The following TXNL1 variants were observed in gnomAD, a reference collection of about 807,000 sequenced individuals.
TXNL1 encodes thioredoxin-like protein 1.
Under a neutral mutation model 35.5 loss-of-function variants are expected in TXNL1, and 14 were observed. The observed-to-expected ratio is 0.39, with a 90% CI of 0.26 to 0.62. The LOEUF is 0.62. Among genes scored for constraint, TXNL1 ranks in the 20% least tolerant of loss-of-function variants. TXNL1 has a pLI of 0.47. For synonymous variants in TXNL1, 110 were observed against 115.5 expected, an observed-to-expected ratio of 0.95 and a Z score of 0.31; for missense variants, 263 against 349.7, an observed-to-expected ratio of 0.75 and a Z score of 1.98.
At chr18:56,628,436 C>T (rs909281831) in intron 1 of TXNL1, among the ~76,000 whole-genome samples, 3 of 152,060 alleles carry the variant, frequency 2.0e-5, no homozygotes, top group Non-Finnish European at 4.4e-5. Context: ...CAATTAAATT[C>T]TTATCAACAA....
rs1395651396 is a variant in TXNL1 at position 56,597,754 on chromosome 18, A to C, written c.*5273T>G. 2 of 152,336 alleles carry C rather than the reference A, an allele frequency of 1.3e-5. No homozygotes were observed. Among genetic ancestry groups the C allele is most frequent in the Non-Finnish European group, 2.9e-5 (2 of 68,040 alleles). 9.4% of individuals were successfully genotyped at this position (152,336 alleles called of 1,614,324 possible). On this transcript the variant is annotated 3_prime_UTR_variant, in exon 8 of 8. Transcript: ENST00000217515. Reference sequence around the variant, plus strand: ...TCCTAGTTCCTTGCTTCTAGCTCTAAGCTCTAAAATCACATTCCTGGCTTT... The same window carrying C: ...TCCTAGTTCCTTGCTTCTAGCTCTACGCTCTAAAATCACATTCCTGGCTTT...
At chr18:56,636,990 A>C (rs1036065280) in intron 1 of TXNL1, among the ~76,000 whole-genome samples, 2 of 152,178 alleles carry the variant, frequency 1.3e-5, no homozygotes, top group African/African-American at 4.8e-5. Context: ...GAATTCTAAC[A>C]TTCCTTTTAG....
At chr18:56,626,109 G>A in intron 2 of TXNL1, 1 of 984,430 alleles carries the variant, frequency 1.0e-6, no homozygotes, top group Non-Finnish European at 1.3e-6. Context: ...ACTGCTAGGT[G>A]ACCTATTAAC....
Position 56,601,602 on chromosome 18 carries a change from G to C in TXNL1, c.*1425C>G, listed in dbSNP as rs564648264. 6.6e-6 allele frequency: 1 copy of C among 152,236 alleles called. No individual in the cohort carries two copies. Among genetic ancestry groups the C allele is most frequent in the Non-Finnish European group, 1.5e-5 (1 of 68,008 alleles). The allele number at this position is 152,236 out of a possible 1,614,324, so 9.4% of individuals were successfully genotyped here. On this transcript the variant is annotated 3_prime_UTR_variant, in exon 8 of 8. Transcript: ENST00000217515. ...ATACAAATGAACTAAACTATCTAAT[G>C]ACACTTGGGTTTCAGAAAGGGACTC...
chr18:56,631,767 A>G (rs557959547), intron 1 of TXNL1, among the ~76,000 whole-genome samples: 1 of 152,228 alleles, frequency 6.6e-6, no homozygotes, highest in Non-Finnish European at 1.5e-5. Flanking sequence ...CTAAAAATAC[A>G]AAATTAGCTG....
At chr18:56,638,285 G>C (rs1001586234) in intron 1 of TXNL1, 58 bp downstream of exon 1, 8 of 1,521,332 alleles carry the variant, frequency 5.3e-6, no homozygotes, top group Non-Finnish European at 7.1e-6. Context: ...CCAACAAAGA[G>C]TGAAAGGAAA....
chr18:56,628,584 T>C (rs1364848572), intron 1 of TXNL1, among the ~76,000 whole-genome samples: 2 of 152,198 alleles, frequency 1.3e-5, no homozygotes, highest in Non-Finnish European at 2.9e-5. Flanking sequence ...TAGCATATAC[T>C]ATATGACTAC....
intron 6 of TXNL1, among the ~76,000 whole-genome samples, chr18:56,612,051 G>C (rs956072062): frequency 2.6e-4 from 36 of 138,182 alleles, no homozygotes; most frequent in Non-Finnish European, 4.8e-4. Flanking sequence ...AAATTTAGTA[G>C]AGACAGGGTT....
chr18:56,604,591 T>A (rs2023859033), intron 7 of TXNL1: 1 of 152,226 alleles, frequency 6.6e-6, no homozygotes, highest in Non-Finnish European at 1.5e-5. Flanking sequence ...AAAATTTAGG[T>A]ACATAAAAAT....
intron 7 of TXNL1, among the ~76,000 whole-genome samples, chr18:56,606,659 C>G (rs1320570056): frequency 2.0e-5 from 3 of 152,210 alleles, no homozygotes; most frequent in Non-Finnish European, 4.4e-5. Flanking sequence ...AAGGAAAAGT[C>G]ACCTAGCTGG....
chr18:56,606,413 G>C (rs975985902), intron 7 of TXNL1, among the ~76,000 whole-genome samples: 16 of 152,236 alleles, frequency 1.1e-4, no homozygotes, highest in African/African-American at 3.9e-4. Flanking sequence ...TAATTACTAT[G>C]TATATACTAA....
intron 2 of TXNL1, among the ~76,000 whole-genome samples, chr18:56,625,898 C>T (rs547592039): frequency 8.0e-4 from 122 of 152,270 alleles, no homozygotes; most frequent in African/African-American, 2.8e-3. Flanking sequence ...CAGGGCAATT[C>T]ACCTACAACA....
intron 7 of TXNL1, chr18:56,609,467 T>TTAG (rs1185684696): frequency 1.3e-5 from 2 of 152,092 alleles, no homozygotes; most frequent in African/African-American, 2.4e-5. Flanking sequence ...TTTAACTGAA[T>TTAG]GGCTAGCTGG....
chr18:56,629,433 CAGG>C (rs1054058876), intron 1 of TXNL1, among the ~76,000 whole-genome samples: 3 of 152,134 alleles, frequency 2.0e-5, no homozygotes, highest in African/African-American at 7.2e-5. Flanking sequence ...AAGGCTGAAG[CAGG>C]AGAATCACTT....
rs1182786748 is a variant in TXNL1, at chr18:56,600,954, A to G, written c.*2073T>C. On this transcript the variant is annotated 3_prime_UTR_variant, in exon 8 of 8. Transcript: ENST00000217515. ...TGTATCAAAATACAGAGATCATGAA[A>G]TTCTTTTTTGCTATGTCCGACAAAA... 4.6e-5 allele frequency: 7 copies of G among 152,210 alleles called. No homozygotes were observed. Among genetic ancestry groups the G allele is most frequent in the African/African-American group, 7.2e-5 (3 of 41,462 alleles). 9.4% of individuals were successfully genotyped at this position (152,210 alleles called of 1,614,324 possible). A position where few individuals can be genotyped will look rare whatever the true frequency, so the allele number is the denominator to read the frequency against.
chr18:56,606,237 C>T (rs1203078953), intron 7 of TXNL1, among the ~76,000 whole-genome samples: 2 of 152,022 alleles, frequency 1.3e-5, no homozygotes, highest in Non-Finnish European at 2.9e-5. Context: ...ATTAGCCAGG[C>T]GTAGCGGCGG....
intron 7 of TXNL1, among the ~76,000 whole-genome samples, chr18:56,608,112 G>C (rs2023932342): frequency 6.6e-6 from 1 of 152,138 alleles, no homozygotes; most frequent in African/African-American, 2.4e-5. Context: ...CAGATAAGGA[G>C]AGACTATTGT....
Position 56,603,003 on chromosome 18 carries a change from T to C in TXNL1, c.*24A>G, listed in dbSNP as rs2023832472. 1.2e-6 allele frequency: 2 copies of C among 1,613,422 alleles called. No individual in the cohort carries two copies. Among genetic ancestry groups the C allele is most frequent in the South Asian group, 1.1e-5 (1 of 91,056 alleles). On this transcript the variant is annotated 3_prime_UTR_variant, in exon 8 of 8. Transcript: ENST00000217515. Reference sequence around the variant, plus strand: ...AGGAGCTGTAGATCTGATTGCAATATGGTTGTCCAGTGTCTTTTGTACCTT... The same window carrying C: ...AGGAGCTGTAGATCTGATTGCAATACGGTTGTCCAGTGTCTTTTGTACCTT...
chr18:56,625,388 A>C (rs1171472854), intron 2 of TXNL1, among the ~76,000 whole-genome samples: 2 of 152,164 alleles, frequency 1.3e-5, no homozygotes, highest in Admixed American at 1.3e-4. Flanking sequence ...AATCTAATCA[A>C]CATAAAAAGA....
Sources: gnomAD v4.1 joint callset for allele counts (sites outside exome capture counted in the v4.1 genomes callset) on GRCh38, gnomAD v4.1.1 for gene constraint, MANE v1.5 for transcripts, NCBI Gene and HGNC (gene_info 2026-07-23, HGNC 2026-07-21) for gene names.